Variants in PLEKHH2 observed in about 807,000 individuals in gnomAD.
PLEKHH2 encodes pleckstrin homology, MyTH4 and FERM domain containing H2.
A neutral mutation model predicts 187.9 loss-of-function variants in PLEKHH2; 129 were observed. That is an observed-to-expected ratio of 0.69 (90% CI 0.59 to 0.79). PLEKHH2 has a LOEUF of 0.79. Ranked by LOEUF, PLEKHH2 falls within the 30% of genes least tolerant of loss-of-function variation. The pLI, the probability that PLEKHH2 is intolerant of heterozygous loss-of-function variation, is 0.00. For missense variants in PLEKHH2, 2,076 were observed against 1,751.2 expected, an observed-to-expected ratio of 1.19 and a Z score of -3.31; for synonymous variants, 686 against 605.6, an observed-to-expected ratio of 1.13 and a Z score of -1.95.
chr2:43,646,683 G>C (rs904117944), intron 2 of PLEKHH2, among the ~76,000 whole-genome samples: 1 of 152,012 alleles, frequency 6.6e-6, no homozygotes, highest in Non-Finnish European at 1.5e-5. Flanking sequence ...TTCTCTATAA[G>C]TAAAATAGCT....
rs545696285 is a variant in PLEKHH2 at position 43,687,998 on chromosome 2, A to G, written c.187-4516A>G. 2.0e-5 allele frequency among the ~76,000 whole-genome samples: 3 copies of G among 150,480 alleles called. No individual in the cohort carries two copies. The South Asian group carries it at 6.3e-4, about 32-fold the overall frequency. On this transcript the variant is annotated intron_variant, in intron 3 of 29. Transcript: ENST00000282406. ...ATTTTTTTTGTAGAGATGCGTTCCC[A>G]CTCTTTTGCCCAGGCTGGCCTCAAA...
chr2:43,708,812 C>T (rs758175263), intron 11 of PLEKHH2, among the ~76,000 whole-genome samples: 2 of 152,112 alleles, frequency 1.3e-5, no homozygotes, highest in Non-Finnish European at 2.9e-5. Flanking sequence ...CCTTAGTCTC[C>T]TTGGGCCTTA....
rs545551079 is a variant in PLEKHH2 at position 43,681,564 on chromosome 2, C to A, written c.186+2639C>A. The A allele has an allele frequency of 9.4e-5, 108 of 1,151,154 alleles. 1 individual carries two copies. The highest frequency in any genetic ancestry group is 6.5e-4 in the Middle Eastern group (3 of 4,620). 71.3% of individuals were successfully genotyped at this position (1,151,154 alleles called of 1,614,324 possible). A position where few individuals can be genotyped will look rare whatever the true frequency, so the allele number is the denominator to read the frequency against. On this transcript the variant is annotated intron_variant, in intron 3 of 29. Coordinates refer to ENST00000282406, the MANE Select transcript of PLEKHH2 (RefSeq NM_172069.4). The stretch of plus-strand genomic sequence containing the variant: ...TGCAGAAAGACTCACTTCTGTGGGC[C>A]CGCACCTTCGGCACTCATGACTAGT...
intron 1 of PLEKHH2, among the ~76,000 whole-genome samples, chr2:43,641,297 C>T (rs113874978): frequency 1.1e-4 from 17 of 152,110 alleles, no homozygotes; most frequent in Middle Eastern, 3.4e-3. Flanking sequence ...ATTTTTTCTT[C>T]GATTCCTTGT....
chr2:43,682,363 G>A (rs997065045), intron 3 of PLEKHH2, among the ~76,000 whole-genome samples: 7 of 152,006 alleles, frequency 4.6e-5, no homozygotes, highest in Non-Finnish European at 7.4e-5. Context: ...CTGGAGTGCA[G>A]TGGTGCCATC....
intron 2 of PLEKHH2, among the ~76,000 whole-genome samples, chr2:43,659,732 T>G (rs1425618411): frequency 6.6e-6 from 1 of 152,112 alleles, no homozygotes; most frequent in African/African-American, 2.4e-5. Flanking sequence ...GTAATTTTTG[T>G]ATTTTTAGTA....
chr2:43,719,067 C>T (rs1034790175), intron 15 of PLEKHH2, among the ~76,000 whole-genome samples: 1 of 152,146 alleles, frequency 6.6e-6, no homozygotes, highest in Non-Finnish European at 1.5e-5. Flanking sequence ...TACATTTTCT[C>T]ATTTGGTTCT....
At chr2:43,758,554 G>A (rs1379277625) in intron 26 of PLEKHH2, among the ~76,000 whole-genome samples, 1 of 152,156 alleles carries the variant, frequency 6.6e-6, no homozygotes, top group African/African-American at 2.4e-5. Context: ...CACCGGGCCT[G>A]TACTTTTCTT....
chr2:43,742,568 A>G (rs1364346751), intron 21 of PLEKHH2, among the ~76,000 whole-genome samples, 173 bp from the exon 22 acceptor site: 1 of 152,210 alleles, frequency 6.6e-6, no homozygotes, highest in African/African-American at 2.4e-5. Context: ...AAAATAAAGA[A>G]GTTGGAATTT....
chr2:43,744,743 C>A (rs894385938), intron 23 of PLEKHH2, among the ~76,000 whole-genome samples: 2 of 151,600 alleles, frequency 1.3e-5, no homozygotes, highest in Non-Finnish European at 2.9e-5. Flanking sequence ...TGCCACACAC[C>A]TGTAGTCCCA....
intron 4 of PLEKHH2, among the ~76,000 whole-genome samples, chr2:43,693,581 G>A (rs533302211): frequency 5.9e-5 from 9 of 151,956 alleles, no homozygotes; most frequent in African/African-American, 1.9e-4. Flanking sequence ...AAAATTAGCC[G>A]GGCGTGGTGG....
rs566799838 is a variant in PLEKHH2, at chr2:43,749,837, G to C, written c.3654-3782G>C. Among the ~76,000 whole-genome samples, 227 of 152,282 alleles carry C rather than the reference G, an allele frequency of 1.5e-3. 2 individuals are homozygous for C. The South Asian group carries it at 0.018, about 12-fold the overall frequency. ...GATTCTTCATCTGCCAAGCAGCAGG[G>C]TAACAAACAAAGCTAAAATATCAAT... On this transcript the variant is annotated intron_variant, in intron 24 of 29. Transcript: ENST00000282406.
intron 3 of PLEKHH2, among the ~76,000 whole-genome samples, chr2:43,686,982 T>A (rs13002688): frequency 3.9e-5 from 5 of 128,182 alleles, no homozygotes; most frequent in Non-Finnish European, 8.8e-5. Context: ...CTATATATAT[T>A]TATATTTTAA....
chr2:43,669,556 T>C (rs1002958295), intron 2 of PLEKHH2, among the ~76,000 whole-genome samples: 48 of 152,062 alleles, frequency 3.2e-4, no homozygotes, highest in African/African-American at 1.1e-3. Context: ...GAATCATAAT[T>C]AGAAAAAAAT....
In PLEKHH2 at chr2:43,644,747, T is replaced by C; in HGVS notation, c.74T>C (p.Met25Thr). ...TGTGTAGCTCTGGAGTCCCAACTCA[T>C]GAAATTTAGAGTTCAAGCAAGCAAG... ...ERCVALESQL[M>T]KFRVQASKIR... is the part of the protein sequence containing the mutation. The change falls in exon 2 of 30, where the codon ATG becomes ACG. Residue 25 changes from methionine to threonine, a missense_variant. Coordinates refer to ENST00000282406, the MANE Select transcript of PLEKHH2 (RefSeq NM_172069.4). The C allele has an allele frequency of 6.2e-7, 1 of 1,610,338 alleles. No homozygotes were observed. The highest frequency in any genetic ancestry group is 8.5e-7 in the Non-Finnish European group (1 of 1,177,326).
At chr2:43,683,661 T>G (rs1239232176) in intron 3 of PLEKHH2, among the ~76,000 whole-genome samples, 2 of 152,176 alleles carry the variant, frequency 1.3e-5, no homozygotes, top group Non-Finnish European at 2.9e-5. Context: ...TTCCCCTATA[T>G]TTCCTGTAAA....
At chr2:43,639,247 G>T (rs1414735979) in intron 1 of PLEKHH2, among the ~76,000 whole-genome samples, 1 of 152,106 alleles carries the variant, frequency 6.6e-6, no homozygotes. Context: ...GTAAATATGT[G>T]ATCTTTTTTA....
rs1670208166 is a variant in PLEKHH2, at chr2:43,716,357, A to G, written c.2460+3974A>G. Among the ~76,000 whole-genome samples, 3 of 152,176 alleles carry G rather than the reference A, an allele frequency of 2.0e-5. No individual in the cohort carries two copies. In the South Asian group the frequency reaches 6.2e-4, roughly 31 times the overall value. On this transcript the variant is annotated intron_variant, in intron 15 of 29. Transcript: ENST00000282406. Reference sequence around the variant, plus strand: ...TCTTAAGTTTGTAGGACATTGAGTGATATCATGTCTAATATCCTCAGTTTT... The same window carrying G: ...TCTTAAGTTTGTAGGACATTGAGTGGTATCATGTCTAATATCCTCAGTTTT...
chr2:43,731,814 A>G (rs1572634405), intron 19 of PLEKHH2, among the ~76,000 whole-genome samples: 1 of 152,190 alleles, frequency 6.6e-6, no homozygotes, highest in Non-Finnish European at 1.5e-5. Context: ...GAAATAAACT[A>G]TTAATGTGTA....
Sources: gnomAD v4.1 joint callset for allele counts (sites outside exome capture counted in the v4.1 genomes callset) on GRCh38, gnomAD v4.1.1 for gene constraint, MANE v1.5 for transcripts, NCBI Gene and HGNC (gene_info 2026-07-23, HGNC 2026-07-21) for gene names.